Variants in MAML2 observed in about 807,000 individuals in gnomAD.
MAML2 encodes mastermind like transcriptional coactivator 2, also known as mastermind-like protein 2.
In MAML2, 22 loss-of-function variants were observed where a neutral mutation model predicts 96.1. That is an observed-to-expected ratio of 0.23 (90% CI 0.16 to 0.33). The LOEUF is 0.33. Ranked by LOEUF, MAML2 falls within the 10% of genes least tolerant of loss-of-function variation. MAML2 has a pLI of 1.00. For missense variants in MAML2, 1,367 were observed against 1,392.4 expected, an observed-to-expected ratio of 0.98 and a Z score of 0.29; for synonymous variants, 561 against 521.3, an observed-to-expected ratio of 1.08 and a Z score of -1.04.
intron 1 of MAML2, among the ~76,000 whole-genome samples, chr11:96,143,513 A>G (rs962071190): frequency 3.9e-5 from 6 of 152,198 alleles, no homozygotes; most frequent in African/African-American, 1.2e-4. Flanking sequence ...ATTTCCATAA[A>G]TTTCTCTGGA....
chr11:96,023,341 G>A (rs1293808731), intron 2 of MAML2, among the ~76,000 whole-genome samples: 2 of 152,178 alleles, frequency 1.3e-5, no homozygotes, highest in African/African-American at 4.8e-5. Flanking sequence ...GTAGTCTTGA[G>A]GCCTCTGGAG....
At chr11:96,275,385 C>G (rs187599843) in intron 1 of MAML2, among the ~76,000 whole-genome samples, 1 of 145,314 alleles carries the variant, frequency 6.9e-6, no homozygotes, top group African/African-American at 2.6e-5. Context: ...TCACACCATT[C>G]TTCTGCCTCA....
chr11:96,258,578 C>A (rs906605682), intron 1 of MAML2, among the ~76,000 whole-genome samples: 2 of 152,162 alleles, frequency 1.3e-5, no homozygotes, highest in Admixed American at 1.3e-4. Context: ...ACCCACTGGA[C>A]AATGGCCCAG....
intron 2 of MAML2, among the ~76,000 whole-genome samples, chr11:96,070,200 G>A (rs981841570): frequency 6.6e-6 from 1 of 152,184 alleles, no homozygotes; most frequent in South Asian, 2.1e-4. Flanking sequence ...TGAGGCAGGA[G>A]AATGGCGTGA....
At chr11:96,206,044 A>G (rs1321325862) in intron 1 of MAML2, among the ~76,000 whole-genome samples, 1 of 152,060 alleles carries the variant, frequency 6.6e-6, no homozygotes, top group African/African-American at 2.4e-5. Context: ...TGGTTCTAAA[A>G]GCTTTCTTAA....
Position 96,341,930 on chromosome 11 carries a change from G to A in MAML2, c.-35C>T. ...CACAATGATTGCTGCCTCTGGGATG[G>A]TGAGGTGGAAAGAGGCTACTGCTGG... is the stretch of plus-strand genomic sequence containing the variant. On this transcript the variant is annotated 5_prime_UTR_variant, in exon 1 of 5. Transcript: ENST00000524717. 1 of 1,479,938 alleles carries A rather than the reference G, an allele frequency of 6.8e-7. No homozygotes were observed. Among genetic ancestry groups the A allele is most frequent in the Non-Finnish European group, 8.9e-7 (1 of 1,121,020 alleles). 91.7% of individuals were successfully genotyped at this position (1,479,938 alleles called of 1,614,324 possible).
chr11:96,083,602 A>G (rs1859560935), intron 2 of MAML2, among the ~76,000 whole-genome samples: 1 of 152,250 alleles, frequency 6.6e-6, no homozygotes, highest in Non-Finnish European at 1.5e-5. Context: ...GGAAGGTGGA[A>G]GTGCTAGCTC....
intron 1 of MAML2, among the ~76,000 whole-genome samples, chr11:96,117,737 T>C (rs1255140255): frequency 6.6e-6 from 1 of 152,072 alleles, no homozygotes; most frequent in Non-Finnish European, 1.5e-5. Context: ...AGAACAAAAA[T>C]GGTCTACAAT....
At chr11:96,164,583 A>G (rs1861162182) in intron 1 of MAML2, among the ~76,000 whole-genome samples, 1 of 152,216 alleles carries the variant, frequency 6.6e-6, no homozygotes, top group Non-Finnish European at 1.5e-5. Context: ...TTAGAGTGAT[A>G]CAGATTGTGC....
At chr11:96,176,479 G>A (rs2135905774) in intron 1 of MAML2, among the ~76,000 whole-genome samples, 1 of 152,262 alleles carries the variant, frequency 6.6e-6, no homozygotes, top group Non-Finnish European at 1.5e-5. Context: ...AGAGAGCTAA[G>A]GTACCCTGGA....
chr11:96,165,426 T>C (rs1311770964), intron 1 of MAML2, among the ~76,000 whole-genome samples: 1 of 152,282 alleles, frequency 6.6e-6, no homozygotes, highest in East Asian at 1.9e-4. Context: ...CTTAACGTAA[T>C]TTTTTTAATG....
At chr11:96,185,287 G>T (rs774246680) in intron 1 of MAML2, among the ~76,000 whole-genome samples, 3 of 152,176 alleles carry the variant, frequency 2.0e-5, no homozygotes, top group Non-Finnish European at 4.4e-5. Flanking sequence ...TCTAGAAAAG[G>T]AGCAGTGAAG....
intron 1 of MAML2, among the ~76,000 whole-genome samples, chr11:96,177,860 G>A (rs1050507129): frequency 3.3e-4 from 50 of 151,622 alleles, no homozygotes; most frequent in African/African-American, 1.2e-3. Flanking sequence ...AGACAGTGGC[G>A]TTTTTGAGGG....
At chr11:96,025,716 A>G (rs748071475) in intron 2 of MAML2, among the ~76,000 whole-genome samples, 1 of 151,458 alleles carries the variant, frequency 6.6e-6, no homozygotes, top group Non-Finnish European at 1.5e-5. Context: ...ACCATACCCA[A>G]CTAATTTTTT....
Position 96,045,248 on chromosome 11 carries a change from T to C in MAML2, c.2139+46644A>G, listed in dbSNP as rs563862885. ...TTTGTTCATCAAGTTCTATATTAAC[T>C]GTTGGAGCTAGAACAAAAAGCCATT... On this transcript the variant is annotated intron_variant, in intron 2 of 4. Transcript: ENST00000524717. Among the ~76,000 whole-genome samples the C allele has an allele frequency of 1.2e-3, 187 of 152,306 alleles. 1 individual carries two copies. Among genetic ancestry groups the C allele is most frequent in the African/African-American group, 4.3e-3 (179 of 41,564 alleles).
intron 2 of MAML2, among the ~76,000 whole-genome samples, chr11:96,057,151 A>G (rs1327498769): frequency 6.6e-6 from 1 of 152,180 alleles, no homozygotes; most frequent in Non-Finnish European, 1.5e-5. Flanking sequence ...CTTACACACT[A>G]GAATCAGTTA....
At chr11:96,116,268 A>T (rs150854961) in intron 1 of MAML2, among the ~76,000 whole-genome samples, 24 of 152,296 alleles carry the variant, frequency 1.6e-4, no homozygotes, top group African/African-American at 5.8e-4. Context: ...ACATTTGCAT[A>T]TGTCCCTTCT....
At chr11:96,257,549 G>A (rs777717281) in intron 1 of MAML2, among the ~76,000 whole-genome samples, 4 of 152,190 alleles carry the variant, frequency 2.6e-5, no homozygotes, top group Admixed American at 6.5e-5. Context: ...TTTGTTCAGT[G>A]AGCATAATTA....
Position 96,092,954 on chromosome 11 carries a change from C to T in MAML2, c.1077G>A (p.Met359Ile). Residue 359 changes from methionine to isoleucine, a missense_variant, in exon 2 of 5, where the codon ATG becomes ATA. Coordinates refer to ENST00000524717, the MANE Select transcript of MAML2 (RefSeq NM_032427.4). The surrounding 1 kb of genome is among the most constrained non-coding windows in gnomAD (Gnocchi z 4.1). The stretch of plus-strand genomic sequence containing the variant: ...ATTCACTTTTGATCACTATTTTCTC[C>T]ATGGGTAAGGAGGGCCTAGGTGTGC... ...QRSTPRPSLP[M>I]EKIVIKSEYS... is the part of the protein sequence containing the mutation. 6.2e-7 allele frequency: 1 copy of T among 1,612,862 alleles called. No homozygotes were observed. The highest frequency in any genetic ancestry group is 8.5e-7 in the Non-Finnish European group (1 of 1,179,286).
Sources: gnomAD v4.1 joint callset for allele counts (sites outside exome capture counted in the v4.1 genomes callset) on GRCh38, gnomAD v4.1.1 for gene constraint, Gnocchi (gnomAD v3.1) non-coding constraint, MANE v1.5 for transcripts, NCBI Gene and HGNC (gene_info 2026-07-23, HGNC 2026-07-21) for gene names.